ADAMTSL3: variants seen among roughly 807,000 people sequenced by gnomAD.
The protein encoded by ADAMTSL3 is ADAMTS like 3, also known as ADAMTS-like protein 3.
In ADAMTSL3, 128 loss-of-function variants were observed where a neutral mutation model predicts 201.7. The observed-to-expected ratio is 0.63, with a 90% CI of 0.55 to 0.73. The LOEUF is 0.73. Among genes scored for constraint, ADAMTSL3 ranks in the 30% least tolerant of loss-of-function variants. ADAMTSL3 has a pLI of 0.00. For synonymous variants in ADAMTSL3, 738 were observed against 748.4 expected, an observed-to-expected ratio of 0.99 and a Z score of 0.23; for missense variants, 1,990 against 2,119.6, an observed-to-expected ratio of 0.94 and a Z score of 1.20.
chr15:83,759,001 T>A (rs1218135723), intron 3 of ADAMTSL3, among the ~76,000 whole-genome samples: 1 of 152,194 alleles, frequency 6.6e-6, no homozygotes, highest in Non-Finnish European at 1.5e-5. Flanking sequence ...ACTGCTTCCT[T>A]GTGTTCTGGC....
rs1189802432 is a variant in ADAMTSL3, at chr15:83,873,817, T to G, written c.960+2858T>G. Among the ~76,000 whole-genome samples the G allele has an allele frequency of 2.7e-5, 4 of 146,092 alleles. 1 individual carries two copies. The highest frequency in any genetic ancestry group is 1.0e-4 in the African/African-American group (4 of 38,368). On this transcript the variant is annotated intron_variant, in intron 9 of 29. Coordinates refer to ENST00000286744, the MANE Select transcript of ADAMTSL3 (RefSeq NM_207517.3). ...CAGCAGAGCTGTTTGCCCTGCGGAT[T>G]TGACAGCAGTGGTATGGCAGGTGAG...
At chr15:83,869,962 A>C (rs1182332833) in intron 8 of ADAMTSL3, among the ~76,000 whole-genome samples, 1 of 152,168 alleles carries the variant, frequency 6.6e-6, no homozygotes, top group Admixed American at 6.5e-5. Flanking sequence ...TCAACATGAA[A>C]CCAGATCTAC....
intron 27 of ADAMTSL3, 24 bp from the exon 28 acceptor site, chr15:84,031,311 C>G: frequency 6.2e-7 from 1 of 1,610,290 alleles, no homozygotes; most frequent in Non-Finnish European, 8.5e-7. Flanking sequence ...AGGATTTACA[C>G]TGCACTGTGC....
At chr15:83,801,207 G>C (rs2063508929) in intron 4 of ADAMTSL3, among the ~76,000 whole-genome samples, 1 of 152,112 alleles carries the variant, frequency 6.6e-6, no homozygotes, top group South Asian at 2.1e-4. Context: ...GTGATAATCT[G>C]GGAAGATGTT....
intron 23 of ADAMTSL3, among the ~76,000 whole-genome samples, chr15:83,992,980 A>G (rs904742351): frequency 6.6e-6 from 1 of 152,172 alleles, no homozygotes. Flanking sequence ...GCCTTTCTTT[A>G]TCTGGCAGTC....
At chr15:83,828,018 T>C (rs1434104925) in intron 6 of ADAMTSL3, among the ~76,000 whole-genome samples, 1 of 152,204 alleles carries the variant, frequency 6.6e-6, no homozygotes, top group Non-Finnish European at 1.5e-5. Flanking sequence ...TTTGGTTCCA[T>C]ATGAACTTTA....
chr15:83,884,744 C>T (rs907237342), intron 9 of ADAMTSL3, among the ~76,000 whole-genome samples: 1 of 151,858 alleles, frequency 6.6e-6, no homozygotes, highest in Non-Finnish European at 1.5e-5. Flanking sequence ...TGAGCAAACC[C>T]AAATCAATTC....
In ADAMTSL3 at chr15:83,656,290, T is replaced by C. The variant is rs2061082207; in HGVS notation, c.69+460T>C. 2.6e-5 allele frequency among the ~76,000 whole-genome samples: 4 copies of C among 152,234 alleles called. No individual in the cohort carries two copies. The South Asian group carries it at 8.3e-4, about 32-fold the overall frequency. On this transcript the variant is annotated intron_variant, in intron 2 of 29. Coordinates refer to ENST00000286744, the MANE Select transcript of ADAMTSL3 (RefSeq NM_207517.3). ...GTCCTCTCTTTAGACTTCTGCTGTC[T>C]TTTCCAACCAACTTGAGAGGACCCG...
intron 6 of ADAMTSL3, among the ~76,000 whole-genome samples, chr15:83,828,235 C>G (rs1353332406): frequency 6.6e-6 from 1 of 152,160 alleles, no homozygotes; most frequent in East Asian, 1.9e-4. Flanking sequence ...TTGAAGAGGT[C>G]CTTCACATCC....
rs545722601 is a variant in ADAMTSL3 at position 83,874,289 on chromosome 15, G to A, written c.960+3330G>A. Among the ~76,000 whole-genome samples the A allele has an allele frequency of 1.3e-4, 19 of 145,444 alleles. 1 individual carries two copies. The South Asian group carries it at 4.0e-3, about 31-fold the overall frequency. On this transcript the variant is annotated intron_variant, in intron 9 of 29. Transcript: ENST00000286744. ...GCTCCCATCCCACGCAGAGCTCCCA[G>A]AGGAAAGCGCCTCATAGGGATCCCA...
intron 4 of ADAMTSL3, among the ~76,000 whole-genome samples, chr15:83,802,864 AAGG>A (rs1386785678): frequency 5.3e-5 from 8 of 152,200 alleles, no homozygotes; most frequent in Non-Finnish European, 1.0e-4. Context: ...AAGTAGGGAA[AAGG>A]AGAAGCAACA....
intron 4 of ADAMTSL3, among the ~76,000 whole-genome samples, chr15:83,799,257 TCAGTGTAC>T (rs2063480717): frequency 6.6e-6 from 1 of 152,202 alleles, no homozygotes; most frequent in Admixed American, 6.5e-5. Flanking sequence ...TCCCTTTTTA[TCAGTGTAC>T]TCCTTCAAAT....
At chr15:83,919,439 G>A (rs2066097474) in intron 16 of ADAMTSL3, among the ~76,000 whole-genome samples, 1 of 152,154 alleles carries the variant, frequency 6.6e-6, no homozygotes. Flanking sequence ...GAGGCGGAGA[G>A]GTGAGGGTTC....
At chr15:83,823,347 C>T (rs1385191494) in intron 6 of ADAMTSL3, among the ~76,000 whole-genome samples, 2 of 152,188 alleles carry the variant, frequency 1.3e-5, no homozygotes, top group African/African-American at 4.8e-5. Flanking sequence ...ACCTGACCAC[C>T]TGCTAAGTGT....
intron 21 of ADAMTSL3, among the ~76,000 whole-genome samples, chr15:83,984,895 A>C (rs1309364593): frequency 6.6e-6 from 1 of 152,254 alleles, no homozygotes; most frequent in East Asian, 1.9e-4. Flanking sequence ...CAAATGTGTT[A>C]GCTGGAAGAG....
intron 3 of ADAMTSL3, among the ~76,000 whole-genome samples, chr15:83,723,317 T>C (rs952837057): frequency 2.0e-5 from 3 of 152,202 alleles, no homozygotes; most frequent in Admixed American, 6.5e-5. Flanking sequence ...GTGATGGTGA[T>C]GGGCAGAGAT....
intron 2 of ADAMTSL3, among the ~76,000 whole-genome samples, chr15:83,669,858 A>G (rs1050428416): frequency 3.3e-5 from 5 of 152,044 alleles, no homozygotes; most frequent in Non-Finnish European, 7.4e-5. Flanking sequence ...TGCTTTAATC[A>G]CTATACTCTC....
At chr15:83,944,260 A>G (rs1476193707) in intron 19 of ADAMTSL3, among the ~76,000 whole-genome samples, 1 of 152,200 alleles carries the variant, frequency 6.6e-6, no homozygotes, top group Non-Finnish European at 1.5e-5. Context: ...CTCTTACTCC[A>G]GTCCTTATTC....
At chr15:83,898,317 G>A (rs538138800) in intron 14 of ADAMTSL3, among the ~76,000 whole-genome samples, 6 of 151,898 alleles carry the variant, frequency 4.0e-5, no homozygotes, top group Admixed American at 6.6e-5. Flanking sequence ...GAAGAATGGC[G>A]GGGGAGAGAT....
Sources: gnomAD v4.1 joint callset for allele counts (sites outside exome capture counted in the v4.1 genomes callset) on GRCh38, gnomAD v4.1.1 for gene constraint, MANE v1.5 for transcripts, NCBI Gene and HGNC (gene_info 2026-07-23, HGNC 2026-07-21) for gene names.